The following GRIK5 variants were observed in gnomAD, a reference collection of about 807,000 sequenced individuals.
The protein encoded by GRIK5 is glutamate receptor ionotropic, kainate 5.
Under a neutral mutation model 97.4 loss-of-function variants are expected in GRIK5, and 43 were observed. That is an observed-to-expected ratio of 0.44 (90% CI 0.35 to 0.57). GRIK5 has a LOEUF of 0.57. Among genes scored for constraint, GRIK5 ranks in the 20% least tolerant of loss-of-function variants. The pLI is 0.01. For synonymous variants in GRIK5, 580 were observed against 583.5 expected, an observed-to-expected ratio of 0.99 and a Z score of 0.09; for missense variants, 1,015 against 1,382.0, an observed-to-expected ratio of 0.73 and a Z score of 4.21.
rs16975660 is a variant in GRIK5 at position 42,052,137 on chromosome 19, A to G, written c.1269+1465T>C. On this transcript the variant is annotated intron_variant, in intron 11 of 19. Coordinates refer to ENST00000593562, the MANE Select transcript of GRIK5 (RefSeq NM_002088.5). ...ATGGAATGAATAAGTGAATCAACCC[A>G]TCAAGAGATAGGTGAACATCAGGAA... is the stretch of plus-strand genomic sequence containing the variant. Among the ~76,000 whole-genome samples the G allele has an allele frequency of 9.8e-3, 1,488 of 152,324 alleles. 11 individuals are homozygous for G. The highest frequency in any genetic ancestry group is 0.014 in the Non-Finnish European group (930 of 68,028).
chr19:42,034,759 C>T (rs1451585158), intron 12 of GRIK5, among the ~76,000 whole-genome samples: 1 of 151,666 alleles, frequency 6.6e-6, no homozygotes, highest in African/African-American at 2.4e-5. Flanking sequence ...ACAGCATCCA[C>T]GCACCAGACA....
chr19:42,062,080 G>A lies in GRIK5; in HGVS notation c.508+408C>T, dbSNP rs1050423605. 6.6e-6 allele frequency among the ~76,000 whole-genome samples: 1 copy of A among 152,138 alleles called. No individual in the cohort carries two copies. The highest frequency in any genetic ancestry group is 1.5e-5 in the Non-Finnish European group (1 of 68,026). On this transcript the variant is annotated intron_variant, in intron 5 of 19. Coordinates refer to ENST00000593562, the MANE Select transcript of GRIK5 (RefSeq NM_002088.5). The surrounding 1 kb of genome is among the most constrained non-coding windows in gnomAD (Gnocchi z 5.3). ...TCAGCTTGGATGTCTCTTTCTCATA[G>A]ACACAGGCTCTGAACCTCCCAGATG...
chr19:42,050,408 C>G lies in GRIK5; in HGVS notation c.1269+3194G>C, dbSNP rs531068801. 9.2e-5 allele frequency among the ~76,000 whole-genome samples: 14 copies of G among 151,944 alleles called. No individual in the cohort carries two copies. The East Asian group carries it at 2.5e-3, about 27-fold the overall frequency. On this transcript the variant is annotated intron_variant, in intron 11 of 19. Coordinates refer to ENST00000593562, the MANE Select transcript of GRIK5 (RefSeq NM_002088.5). ...GGCACGGTGGCTCACGCCTGTAATC[C>G]CAGCACTTTGGGAGGCCGAGACGGG...
chr19:42,035,632 C>T (rs951674630), intron 12 of GRIK5, among the ~76,000 whole-genome samples: 3 of 152,246 alleles, frequency 2.0e-5, no homozygotes, highest in South Asian at 2.1e-4. Context: ...ATTGCTTGAA[C>T]CTGGGAGGTG....
At chr19:42,044,532 A>G (rs923777237) in intron 11 of GRIK5, among the ~76,000 whole-genome samples, 11 of 152,240 alleles carry the variant, frequency 7.2e-5, no homozygotes, top group African/African-American at 2.7e-4. Flanking sequence ...TGATGATGGT[A>G]ACAAATGGGA....
intron 12 of GRIK5, among the ~76,000 whole-genome samples, chr19:42,038,648 C>T (rs2075938879): frequency 6.6e-6 from 1 of 152,230 alleles, no homozygotes; most frequent in South Asian, 2.1e-4. Context: ...GGGCACGGGC[C>T]TTAAGTCAGA....
chr19:42,063,331 T>G (rs1307923954), intron 3 of GRIK5: 1 of 457,010 alleles, frequency 2.2e-6, no homozygotes. Context: ...CTCTTCCTCC[T>G]TATACACATG....
intron 5 of GRIK5, among the ~76,000 whole-genome samples, chr19:42,061,882 G>A (rs184061372): frequency 7.2e-5 from 11 of 152,288 alleles, no homozygotes; most frequent in East Asian, 5.8e-4. Context: ...CGCCCTGCCC[G>A]GCGTGGGGAC....
chr19:42,022,371 C>T lies in GRIK5; in HGVS notation c.1474-17G>A, dbSNP rs746591412. 3 of 1,599,906 alleles carry T rather than the reference C, an allele frequency of 1.9e-6. No homozygotes were observed. Among genetic ancestry groups the T allele is most frequent in the Non-Finnish European group, 2.6e-6 (3 of 1,169,430 alleles). ...GTCTGCCTTCTGCTGGAGGGGAAGC[C>T]GGGCAGGGGTGGAGGGGGACAGAGG... On this transcript the variant is annotated splice_polypyrimidine_tract_variant and intron_variant, in intron 12 of 19. Transcript: ENST00000593562. This position sits in a 1 kb window ranked among gnomAD's most constrained non-coding sequence, Gnocchi z 4.2.
intron 15 of GRIK5, among the ~76,000 whole-genome samples, chr19:42,008,660 A>G (rs1420693100): frequency 1.3e-5 from 2 of 152,144 alleles, no homozygotes; most frequent in Non-Finnish European, 2.9e-5. Flanking sequence ...AGGTGCAGGA[A>G]AATGTGACCT....
Position 42,062,791 on chromosome 19 carries a change from G to A in GRIK5, c.309C>T (p.Ala103=), listed in dbSNP as rs2076277667. The part of the protein sequence containing the change: ...VLGPSSSPAS[A]STVSHICGEK... ...CTCCACAGATATGGCTCACGGTGGA[G>A]GCAGATGCTGGGCTAGAGGAGGGCC... Residue 103 remains alanine, a synonymous_variant, in exon 4 of 20, where the codon GCC becomes GCT. Coordinates refer to ENST00000593562, the MANE Select transcript of GRIK5 (RefSeq NM_002088.5). This position sits in a 1 kb window ranked among gnomAD's most constrained non-coding sequence, Gnocchi z 5.3. 6.2e-7 allele frequency: 1 copy of A among 1,614,064 alleles called. No individual in the cohort carries two copies. The highest frequency in any genetic ancestry group is 2.2e-5 in the East Asian group (1 of 44,870).
Position 42,021,527 on chromosome 19 carries a change from AAAAGGAAAGAAGC to A in GRIK5, c.1698-66_1698-54del. 7.1e-7 allele frequency: 1 copy of A among 1,417,500 alleles called. No individual in the cohort carries two copies. The highest frequency in any genetic ancestry group is 9.4e-7 in the Non-Finnish European group (1 of 1,065,846). The allele number at this position is 1,417,500 out of a possible 1,614,324, so 87.8% of individuals were successfully genotyped here. ...GGGGCCCAGAGCCCAGGTGGGGAGG[AAAAGGAAAGAAGC>A]AAAGGAAAGTCACAGTGATCAGAAG... On this transcript the variant is annotated intron_variant, in intron 14 of 19. Coordinates refer to ENST00000593562, the MANE Select transcript of GRIK5 (RefSeq NM_002088.5). The surrounding 1 kb of genome is among the most constrained non-coding windows in gnomAD (Gnocchi z 4.2).
chr19:42,010,408 C>T (rs2075547471), intron 15 of GRIK5, among the ~76,000 whole-genome samples: 1 of 152,020 alleles, frequency 6.6e-6, no homozygotes, highest in Admixed American at 6.6e-5. Flanking sequence ...TAAAGAGAAA[C>T]ATCTTAAAAG....
chr19:42,043,619 C>T (rs1201181769), intron 11 of GRIK5, among the ~76,000 whole-genome samples: 49 of 151,912 alleles, frequency 3.2e-4, no homozygotes, highest in Non-Finnish European at 4.6e-4. Flanking sequence ...ACCATGTTGG[C>T]CAGGCTGGTC....
Position 42,023,381 on chromosome 19 carries a change from C to T in GRIK5, c.1474-1027G>A, listed in dbSNP as rs570399246. ...TGTTGAGCATAGGGAGCTTCCATCC[C>T]CTTTGTTGTACACTTGCCACTTTTA... On this transcript the variant is annotated intron_variant, in intron 12 of 19. Transcript: ENST00000593562. Among the ~76,000 whole-genome samples, 14 of 152,240 alleles carry T rather than the reference C, an allele frequency of 9.2e-5. No homozygotes were observed. In the East Asian group the frequency reaches 2.7e-3, roughly 29 times the overall value.
chr19:42,054,585 G>A (rs1406361243), intron 8 of GRIK5, 113 bp from the exon 9 acceptor site: 23 of 1,240,262 alleles, frequency 1.9e-5, no homozygotes, highest in Non-Finnish European at 2.4e-5. Context: ...CCTCTCCCCA[G>A]GAATGGGAAA....
intron 12 of GRIK5, among the ~76,000 whole-genome samples, chr19:42,036,216 C>G (rs1407092280): frequency 6.6e-6 from 1 of 152,022 alleles, no homozygotes; most frequent in South Asian, 2.1e-4. Flanking sequence ...CACACCACTA[C>G]GCCTGGCTAA....
Position 42,042,558 on chromosome 19 carries a change from G to A in GRIK5, c.1467C>T (p.Ile489=). 3.1e-6 allele frequency: 5 copies of A among 1,609,628 alleles called. No homozygotes were observed. The highest frequency in any genetic ancestry group is 4.2e-6 in the Non-Finnish European group (5 of 1,179,322). The change falls in exon 12 of 20, where the codon ATC becomes ATT. Residue 489 remains isoleucine (I), a synonymous_variant. Coordinates refer to ENST00000593562, the MANE Select transcript of GRIK5 (RefSeq NM_002088.5). The surrounding 1 kb of genome is among the most constrained non-coding windows in gnomAD (Gnocchi z 6.9). ...GSWTGMVGEL[I]NRKADLAVAA... ...GGCCCCAGTCCAGCCATACCCGGTTGATGAGCTCGCCAACCATGCCCGTCC... is the reference window on the plus strand; with the variant it reads ...GGCCCCAGTCCAGCCATACCCGGTTAATGAGCTCGCCAACCATGCCCGTCC...
chr19:42,023,718 G>C (rs2146056118), intron 12 of GRIK5, among the ~76,000 whole-genome samples: 1 of 152,310 alleles, frequency 6.6e-6, no homozygotes, highest in Middle Eastern at 3.4e-3. Flanking sequence ...CAGGGGCTCT[G>C]CTCCCGAAAC....
Sources: gnomAD v4.1 joint callset for allele counts (sites outside exome capture counted in the v4.1 genomes callset) on GRCh38, gnomAD v4.1.1 for gene constraint, Gnocchi (gnomAD v3.1) non-coding constraint, MANE v1.5 for transcripts, NCBI Gene and HGNC (gene_info 2026-07-23, HGNC 2026-07-21) for gene names.